Variants in CYRIA observed in about 807,000 individuals in gnomAD.
The protein encoded by CYRIA is CYFIP-related Rac1 interactor A.
A neutral mutation model predicts 43.9 loss-of-function variants in CYRIA; 15 were observed. The ratio of observed to expected loss-of-function variants is 0.34; its 90% CI spans 0.23 to 0.53. CYRIA has a LOEUF of 0.53. CYRIA is among the 20% of genes least tolerant of loss of function. CYRIA has a pLI of 0.94. For missense variants in CYRIA, 236 were observed against 394.2 expected, an observed-to-expected ratio of 0.60 and a Z score of 3.40; for synonymous variants, 117 against 136.0, an observed-to-expected ratio of 0.86 and a Z score of 0.97.
chr2:16,641,840 C>T (rs372289087), intron 1 of CYRIA, among the ~76,000 whole-genome samples: 10 of 152,302 alleles, frequency 6.6e-5, no homozygotes, highest in South Asian at 2.1e-4. Flanking sequence ...GTGATCTCCA[C>T]GATGCTGAAG....
intron 3 of CYRIA, among the ~76,000 whole-genome samples, chr2:16,577,778 C>G (rs999969435): frequency 2.0e-4 from 30 of 152,212 alleles, no homozygotes; most frequent in South Asian, 6.2e-4. Flanking sequence ...AAGTTGAGAA[C>G]AAGAAAGGAA....
intron 1 of CYRIA, among the ~76,000 whole-genome samples, chr2:16,664,922 C>T (rs566056825): frequency 6.6e-6 from 1 of 152,228 alleles, no homozygotes; most frequent in Middle Eastern, 3.4e-3. Flanking sequence ...CAGTTCTGGA[C>T]CTGGCACCCC....
intron 6 of CYRIA, 47 bp from the exon 7 acceptor site, chr2:16,561,580 G>A: frequency 7.1e-7 from 1 of 1,416,196 alleles, no homozygotes; most frequent in East Asian, 2.3e-5. Context: ...AGTATCAGAT[G>A]GGGTATATGC....
At chr2:16,632,950 A>AG (rs1347497462) in intron 1 of CYRIA, among the ~76,000 whole-genome samples, 1 of 152,160 alleles carries the variant, frequency 6.6e-6, no homozygotes, top group Non-Finnish European at 1.5e-5. Context: ...GGGCTGCAGG[A>AG]GGGGGGTGCA....
chr2:16,554,102 AC>A lies in CYRIA; in HGVS notation c.908+966del, dbSNP rs370629622. ...TAAGTGGGGGTAACAGATCACCCTT[AC>A]CTCTCTGACTTGTGATGATTAAATG... On this transcript the variant is annotated intron_variant, in intron 11 of 11. Coordinates refer to ENST00000381323, the MANE Select transcript of CYRIA (RefSeq NM_030797.4). Among the ~76,000 whole-genome samples, 84 of 152,252 alleles carry A rather than the reference AC, an allele frequency of 5.5e-4. No homozygotes were observed. The East Asian group carries it at 0.015, about 27-fold the overall frequency.
chr2:16,649,841 G>A (rs941287113), intron 1 of CYRIA, among the ~76,000 whole-genome samples: 5 of 152,178 alleles, frequency 3.3e-5, no homozygotes, highest in African/African-American at 7.2e-5. Flanking sequence ...GTTGCCAGAT[G>A]ACTTGGATGT....
chr2:16,552,630 C>A lies in CYRIA; in HGVS notation c.*306G>T, dbSNP rs1031959812. 9 of 253,006 alleles carry A rather than the reference C, an allele frequency of 3.6e-5. No homozygotes were observed. In the South Asian group the frequency reaches 5.6e-4, roughly 16 times the overall value. 15.7% of individuals were successfully genotyped at this position (253,006 alleles called of 1,614,324 possible). On this transcript the variant is annotated 3_prime_UTR_variant, in exon 12 of 12. Transcript: ENST00000381323. ...CACATCTAGAATTAAAATACTACCACAAACAATTAGGAATTTTTTATCGTT... is the reference window on the plus strand; with the variant it reads ...CACATCTAGAATTAAAATACTACCAAAAACAATTAGGAATTTTTTATCGTT...
chr2:16,621,219 T>A (rs1395174424), intron 2 of CYRIA, among the ~76,000 whole-genome samples: 3 of 152,212 alleles, frequency 2.0e-5, no homozygotes, highest in Non-Finnish European at 4.4e-5. Flanking sequence ...ACCAATAGTC[T>A]ATCATGTAAG....
At chr2:16,553,682 G>T (rs551683222) in intron 11 of CYRIA, among the ~76,000 whole-genome samples, 3 of 152,064 alleles carry the variant, frequency 2.0e-5, no homozygotes, top group South Asian at 2.1e-4. Context: ...AGATCACAAG[G>T]TTACTGAATT....
At position 16,550,538 on chromosome 2, in the gene CYRIA, A is replaced by C. The variant is rs1254790547; in HGVS notation, c.*2398T>G. 1 of 152,120 alleles carries C rather than the reference A, an allele frequency of 6.6e-6. No individual in the cohort carries two copies. The highest frequency in any genetic ancestry group is 1.5e-5 in the Non-Finnish European group (1 of 68,010). The allele number at this position is 152,120 out of a possible 1,614,324, so 9.4% of individuals were successfully genotyped here. ...TGTACTGCTGAGTCTTGGCTTTGAGACAAGACAAGTCTTGGCTAAATTGAG... is the reference window on the plus strand; with the variant it reads ...TGTACTGCTGAGTCTTGGCTTTGAGCCAAGACAAGTCTTGGCTAAATTGAG... On this transcript the variant is annotated 3_prime_UTR_variant, in exon 12 of 12. Coordinates refer to ENST00000381323, the MANE Select transcript of CYRIA (RefSeq NM_030797.4).
intron 1 of CYRIA, among the ~76,000 whole-genome samples, chr2:16,647,573 C>T (rs1669853379): frequency 6.6e-6 from 1 of 152,202 alleles, no homozygotes; most frequent in Non-Finnish European, 1.5e-5. Context: ...AAAACCCATA[C>T]TACAAGGCCC....
intron 3 of CYRIA, among the ~76,000 whole-genome samples, chr2:16,567,006 C>T (rs1351767378): frequency 6.6e-6 from 1 of 152,176 alleles, no homozygotes; most frequent in East Asian, 1.9e-4. Context: ...GAGTTTACAC[C>T]TGGTCTAACC....
At chr2:16,574,841 CA>C (rs1358092703) in intron 3 of CYRIA, among the ~76,000 whole-genome samples, 6 of 152,202 alleles carry the variant, frequency 3.9e-5, no homozygotes, top group South Asian at 2.1e-4. Context: ...TCTGCTAGGG[CA>C]GTGCAGAAGT....
intron 10 of CYRIA, among the ~76,000 whole-genome samples, chr2:16,557,273 G>A (rs1427929652): frequency 6.6e-6 from 1 of 151,990 alleles, no homozygotes; most frequent in East Asian, 1.9e-4. Flanking sequence ...CTTCTTCAAG[G>A]TCCACCTCAA....
At chr2:16,572,217 T>C (rs1008411950) in intron 3 of CYRIA, among the ~76,000 whole-genome samples, 1 of 152,214 alleles carries the variant, frequency 6.6e-6, no homozygotes, top group Non-Finnish European at 1.5e-5. Flanking sequence ...GATTCATTCT[T>C]GTTAAAAGAG....
chr2:16,590,796 T>C (rs1667905264), intron 2 of CYRIA, among the ~76,000 whole-genome samples: 1 of 152,176 alleles, frequency 6.6e-6, no homozygotes, highest in Non-Finnish European at 1.5e-5. Flanking sequence ...GTGGACACTG[T>C]GTAGAAAGTC....
intron 1 of CYRIA, among the ~76,000 whole-genome samples, chr2:16,631,983 C>G (rs1049059650): frequency 1.1e-4 from 17 of 152,210 alleles, no homozygotes; most frequent in African/African-American, 4.8e-5. Context: ...GGCGAACACC[C>G]CCTGAGTCCC....
At chr2:16,571,259 G>T (rs1023131056) in intron 3 of CYRIA, among the ~76,000 whole-genome samples, 2 of 152,216 alleles carry the variant, frequency 1.3e-5, no homozygotes, top group Non-Finnish European at 2.9e-5. Context: ...GTTAATGCTG[G>T]TGAATATTAA....
At chr2:16,602,714 CA>C (rs1275148414) in intron 2 of CYRIA, among the ~76,000 whole-genome samples, 1 of 152,008 alleles carries the variant, frequency 6.6e-6, no homozygotes, top group African/African-American at 2.4e-5. Context: ...TCCAAGAATC[CA>C]CAGCACATTA....
Sources: gnomAD v4.1 joint callset for allele counts (sites outside exome capture counted in the v4.1 genomes callset) on GRCh38, gnomAD v4.1.1 for gene constraint, MANE v1.5 for transcripts, NCBI Gene and HGNC (gene_info 2026-07-23, HGNC 2026-07-21) for gene names.